Variants in SCAP observed in about 807,000 individuals in gnomAD.
SCAP encodes the protein SREBF chaperone.
A neutral mutation model predicts 123.6 loss-of-function variants in SCAP; 65 were observed. The ratio of observed to expected loss-of-function variants is 0.53; its 90% confidence interval spans 0.43 to 0.65. The LOEUF is 0.65. Ranked by LOEUF, SCAP falls within the 30% of genes least tolerant of loss-of-function variation. SCAP has a pLI of 0.00. For missense variants in SCAP, 1,398 were observed against 1,712.5 expected, an observed-to-expected ratio of 0.82 and a Z score of 3.24; for synonymous variants, 740 against 726.3, an observed-to-expected ratio of 1.02 and a Z score of -0.30.
rs200490255 is a variant in SCAP, at chr3:47,420,695, G to A, written c.1422C>T (p.Tyr474=). The A allele has an allele frequency of 1.1e-5, 17 of 1,611,718 alleles. No individual in the cohort carries two copies. Among genetic ancestry groups the A allele is most frequent in the Admixed American group, 1.7e-5 (1 of 60,014 alleles). The change falls in exon 12 of 23, where the codon TAC becomes TAT. Residue 474 remains tyrosine, a synonymous_variant. Coordinates refer to ENST00000265565, the MANE Select transcript of SCAP (RefSeq NM_012235.4). The surrounding 1 kb of genome is among the most constrained non-coding windows in gnomAD (Gnocchi z 5.0). ...ACGGCCTCACAGCCAGCTGCCGCTCGTAGCGCGTTGGCTGTCCCACTGGCT... is the reference window on the plus strand; with the variant it reads ...ACGGCCTCACAGCCAGCTGCCGCTCATAGCGCGTTGGCTGTCCCACTGGCT... ...SAKPVGQPTR[Y]ERQLAVRPST...
chr3:47,472,411 G>A (rs1037079372), intron 1 of SCAP, among the ~76,000 whole-genome samples: 4 of 149,684 alleles, frequency 2.7e-5, no homozygotes, highest in Middle Eastern at 3.4e-3. Context: ...TCCGCAGTCC[G>A]GCCTGGGCGA....
At chr3:47,429,575 C>CTGGGCTCAAGTGATCCTCCCATTTT (rs1418000603) in intron 3 of SCAP, among the ~76,000 whole-genome samples, 1 of 152,216 alleles carries the variant, frequency 6.6e-6, no homozygotes, top group Non-Finnish European at 1.5e-5. Flanking sequence ...TCTCGAACTC[C>CTGGGCTCAAGTGATCCTCCCATTTT]TGGGCTCAAG....
At chr3:47,425,341 G>C in intron 8 of SCAP, 144 bp downstream of exon 8, 1 of 864,234 alleles carries the variant, frequency 1.2e-6, no homozygotes, top group Non-Finnish European at 1.7e-6. Context: ...AGAAGAGGAA[G>C]AAAATGTACC....
In SCAP at chr3:47,418,574, C is replaced by T. The variant is rs753941312; in HGVS notation, c.2130-52G>A. 4.2e-5 allele frequency: 65 copies of T among 1,550,594 alleles called. No individual in the cohort carries two copies. The Middle Eastern group carries it at 5.0e-4, about 12-fold the overall frequency. On this transcript the variant is annotated intron_variant, in intron 14 of 22. Transcript: ENST00000265565. Reference sequence around the variant, plus strand: ...GACACACCTCACAGCCTGTCCCCTCCCCTCCTCCCTCTCCCCTACTCTTGC... The same window carrying T: ...GACACACCTCACAGCCTGTCCCCTCTCCTCCTCCCTCTCCCCTACTCTTGC...
intron 1 of SCAP, among the ~76,000 whole-genome samples, chr3:47,471,384 A>G (rs1708019383): frequency 6.6e-6 from 1 of 152,246 alleles, no homozygotes; most frequent in Admixed American, 6.5e-5. Flanking sequence ...AAAACAATCT[A>G]GACGATTAAA....
intron 1 of SCAP, among the ~76,000 whole-genome samples, chr3:47,448,283 T>C (rs988557769): frequency 1.1e-4 from 16 of 152,298 alleles, no homozygotes; most frequent in African/African-American, 2.2e-4. Context: ...TGCTAGTACA[T>C]TGATTTTTTT....
rs199794833 is a variant in SCAP at position 47,418,824 on chromosome 3, C to T, written c.1960G>A (p.Val654Ile). Residue 654 changes from valine to isoleucine, a missense_variant, in exon 14 of 23, where the codon GTC (valine) becomes ATC (isoleucine). By Grantham distance (29) the Val-to-Ile change is conservative. Transcript: ENST00000265565. ...TTCAGGCGGAGCGTGACTGGGATGACGGGCAGCAGGCTGATGTACCTGGAT... is the reference window on the plus strand; with the variant it reads ...TTCAGGCGGAGCGTGACTGGGATGATGGGCAGCAGGCTGATGTACCTGGAT... Reference protein sequence around the residue: ...LAKRYISLLPVIPVTLRLNPR... With the variant: ...LAKRYISLLPIIPVTLRLNPR... 157 of 1,525,890 alleles carry T rather than the reference C, an allele frequency of 1.0e-4. No individual in the cohort carries two copies. The highest frequency in any genetic ancestry group is 1.0e-4 in the Non-Finnish European group (118 of 1,140,162). 94.5% of individuals were successfully genotyped at this position (1,525,890 alleles called of 1,614,324 possible). A position where few individuals can be genotyped will look rare whatever the true frequency, so the allele number is the denominator to read the frequency against.
In SCAP at chr3:47,475,843, CGACGGG is replaced by C; in HGVS notation, c.-149_-144del. 1 of 160,956 alleles carries C rather than the reference CGACGGG, an allele frequency of 6.2e-6. No homozygotes were observed. Among genetic ancestry groups the C allele is most frequent in the Non-Finnish European group, 1.3e-5 (1 of 74,932 alleles). 10.0% of individuals were successfully genotyped at this position (160,956 alleles called of 1,614,324 possible). On this transcript the variant is annotated 5_prime_UTR_variant, in exon 1 of 23. Transcript: ENST00000265565. The stretch of plus-strand genomic sequence containing the variant: ...CAAGCTGCGGCGGCGGCGGCGGCGG[CGACGGG>C]GGCGGCAGCAGGGGCGGAGCGCGGC...
At chr3:47,425,429 A>G in intron 8 of SCAP, 56 bp downstream of exon 8, 4 of 1,562,214 alleles carry the variant, frequency 2.6e-6, no homozygotes, top group South Asian at 1.2e-5. Flanking sequence ...CCAGAAGTGC[A>G]AGGCTCTCTG....
Position 47,442,912 on chromosome 3 carries a change from G to A in SCAP, c.82C>T (p.Pro28Ser). 2 of 1,614,142 alleles carry A rather than the reference G, an allele frequency of 1.2e-6. No individual in the cohort carries two copies. Among genetic ancestry groups the A allele is most frequent in the South Asian group, 1.1e-5 (1 of 91,086 alleles). The change falls in exon 2 of 23, where the codon CCC becomes TCC. Residue 28 changes from proline to serine, a missense_variant. Pro to Ser is a moderately conservative substitution (Grantham distance 74). This residue lies in a region of SCAP where 319 missense variants were observed against 432.4 expected (regional missense o/e 0.74). Coordinates refer to ENST00000265565, the MANE Select transcript of SCAP (RefSeq NM_012235.4). The part of the protein sequence containing the change: ...HGLLCASYPI[P>S]IILFTGFCIL... The stretch of plus-strand genomic sequence containing the variant: ...CAGAACCCTGTGAAGAGGATGATGG[G>A]GATGGGATAGGATGCACAGAGGAGC...
In SCAP at chr3:47,414,663, G is replaced by T. The variant is rs377011536; in HGVS notation, c.3307-11C>A. On this transcript the variant is annotated splice_polypyrimidine_tract_variant and intron_variant, in intron 20 of 22. Coordinates refer to ENST00000265565, the MANE Select transcript of SCAP (RefSeq NM_012235.4). Reference sequence around the variant, plus strand: ...CTCCAGACGGAACACCTGGGACAGGGATGGGCCTCAGGTTCTGGTCTCTGG... The same window carrying T: ...CTCCAGACGGAACACCTGGGACAGGTATGGGCCTCAGGTTCTGGTCTCTGG... 11 of 1,613,080 alleles carry T rather than the reference G, an allele frequency of 6.8e-6. No homozygotes were observed. Among genetic ancestry groups the T allele is most frequent in the Non-Finnish European group, 8.5e-6 (10 of 1,179,980 alleles).
chr3:47,433,151 A>C (rs1286701652), intron 3 of SCAP, among the ~76,000 whole-genome samples: 1 of 152,182 alleles, frequency 6.6e-6, no homozygotes, highest in Non-Finnish European at 1.5e-5. Context: ...TGAACCAAAA[A>C]TTCCCTTTCA....
At chr3:47,457,526 T>A (rs1707473162) in intron 1 of SCAP, among the ~76,000 whole-genome samples, 1 of 152,212 alleles carries the variant, frequency 6.6e-6, no homozygotes, top group African/African-American at 2.4e-5. Context: ...CTCACTGAGC[T>A]AAACTAGTCC....
chr3:47,467,597 C>T (rs751570667), intron 1 of SCAP, among the ~76,000 whole-genome samples: 34 of 150,102 alleles, frequency 2.3e-4, no homozygotes, highest in Admixed American at 4.7e-4. Flanking sequence ...AAGAAGACCC[C>T]GTCTCAAGAA....
intron 1 of SCAP, among the ~76,000 whole-genome samples, chr3:47,458,784 T>C (rs995736438): frequency 5.3e-5 from 8 of 152,236 alleles, no homozygotes; most frequent in African/African-American, 1.7e-4. Flanking sequence ...GAACTGCTGC[T>C]GCTAAGAATC....
At chr3:47,471,558 C>T (rs554974929) in intron 1 of SCAP, among the ~76,000 whole-genome samples, 1 of 151,988 alleles carries the variant, frequency 6.6e-6, no homozygotes, top group Non-Finnish European at 1.5e-5. Context: ...ATAGTGGAGA[C>T]GGGGTTTCAC....
chr3:47,431,712 G>A (rs1706366003), intron 3 of SCAP, among the ~76,000 whole-genome samples: 1 of 152,048 alleles, frequency 6.6e-6, no homozygotes, highest in Admixed American at 6.6e-5. Context: ...ACATATCAAG[G>A]GCACAATCAA....
chr3:47,423,886 T>C (rs747983991), intron 9 of SCAP, 47 bp downstream of exon 9: 24 of 1,352,706 alleles, frequency 1.8e-5, no homozygotes, highest in Admixed American at 1.0e-4. Context: ...ACAGGCCCCA[T>C]TCCAGCCCCT....
At position 47,427,432 on chromosome 3, in the gene SCAP, T is replaced by C. The variant is rs773671555; in HGVS notation, c.631+15A>G. 2 of 1,613,138 alleles carry C rather than the reference T, an allele frequency of 1.2e-6. No homozygotes were observed. The highest frequency in any genetic ancestry group is 1.7e-6 in the Non-Finnish European group (2 of 1,179,058). ...GCACCTTTACAGGTCTGAAGGGAACTTGTACTGGGGCTACCTTTGAGTGTG... is the reference window on the plus strand; with the variant it reads ...GCACCTTTACAGGTCTGAAGGGAACCTGTACTGGGGCTACCTTTGAGTGTG... On this transcript the variant is annotated intron_variant, in intron 5 of 22. Coordinates refer to ENST00000265565, the MANE Select transcript of SCAP (RefSeq NM_012235.4).
Sources: allele counts gnomAD v4.1 joint callset (sites outside exome capture counted in the v4.1 genomes callset), GRCh38; gene constraint gnomAD v4.1.1; regional missense constraint gnomAD v4.1.1; non-coding constraint Gnocchi (gnomAD v3.1); transcripts MANE v1.5; gene names NCBI Gene and HGNC (gene_info 2026-07-23, HGNC 2026-07-21).